Variants in ZDHHC11B observed in about 807,000 individuals in gnomAD.
ZDHHC11B encodes the protein zDHHC palmitoyltransferase 11B (putative).
In ZDHHC11B, 17 loss-of-function variants were observed where a neutral mutation model predicts 42.3. The observed-to-expected ratio is 0.40, with a 90% CI of 0.27 to 0.60. The LOEUF is 0.60. Ranked by LOEUF, ZDHHC11B falls within the 20% of genes least tolerant of loss-of-function variation. The pLI, the probability that ZDHHC11B is intolerant of heterozygous loss-of-function variation, is 0.41. For synonymous variants in ZDHHC11B, 123 were observed against 193.5 expected (o/e 0.64, Z 3.02); for missense variants, 262 against 463.2 (o/e 0.57, Z 3.99).
chr5:765,372 T>C (rs1289758277), intron 4 of ZDHHC11B, among the ~76,000 whole-genome samples: 1 of 151,920 alleles, frequency 6.6e-6, no homozygotes, highest in Non-Finnish European at 1.5e-5. Context: ...ACTCTGTGTC[T>C]AGCTCAAGGT....
At position 729,527 on chromosome 5, in the gene ZDHHC11B, TGA is replaced by T. The variant is rs879597295; in HGVS notation, c.1058+905_1058+906del. On this transcript the variant is annotated intron_variant, in intron 12 of 13. Coordinates refer to ENST00000508859, the MANE Select transcript of ZDHHC11B (RefSeq NM_001351303.2). ...AGGCAGGAAGGAGGCTGTGTCAGTG[TGA>T]GAGAGTGTGACTGTGTGCGAGTGTG... Among the ~76,000 whole-genome samples, 102 of 132,066 alleles carry T rather than the reference TGA, an allele frequency of 7.7e-4. 2 individuals are homozygous for T. The highest frequency in any genetic ancestry group is 3.8e-3 in the Admixed American group (52 of 13,544). The allele number at this position is 132,066 out of a possible 152,430, so 86.6% of individuals were successfully genotyped here.
At chr5:774,900 G>T (rs1164961323) in intron 1 of ZDHHC11B, among the ~76,000 whole-genome samples, 2 of 151,992 alleles carry the variant, frequency 1.3e-5, no homozygotes, top group Admixed American at 6.6e-5. Context: ...CCACGCGGGG[G>T]TGGCGCCGAC....
At chr5:754,239 C>T in intron 6 of ZDHHC11B, among the ~76,000 whole-genome samples, 1 of 117,312 alleles carries the variant, frequency 8.5e-6, no homozygotes, top group African/African-American at 3.1e-5. Flanking sequence ...TATGAGCCTC[C>T]ACCGTGCTCA....
At chr5:783,834 AAACCCCATCAAAACAGCAGCCCC>A (rs1737052248) in intron 1 of ZDHHC11B, among the ~76,000 whole-genome samples, 1 of 91,250 alleles carries the variant, frequency 1.1e-5, no homozygotes, top group East Asian at 4.2e-4. Context: ...GCAGCCTCCC[AAACCCCATCAAAACAGCAGCCCC>A]CCAAGCCCCA....
rs112930672 is a variant in ZDHHC11B at position 733,316 on chromosome 5, G to A, written c.1023+436C>T. 9.2e-3 allele frequency among the ~76,000 whole-genome samples: 1,394 copies of A among 151,712 alleles called. 61 individuals are homozygous for A. The highest frequency in any genetic ancestry group is 0.031 in the African/African-American group (1,291 of 41,144). On this transcript the variant is annotated intron_variant, in intron 11 of 13. Coordinates refer to ENST00000508859, the MANE Select transcript of ZDHHC11B (RefSeq NM_001351303.2). ...TTGTACGTGTGACCACACACACATC[G>A]TCTATTCCCATCTGTCTCCCACACA...
chr5:724,411 T>C (rs1348920606), intron 12 of ZDHHC11B, among the ~76,000 whole-genome samples: 1 of 139,418 alleles, frequency 7.2e-6, no homozygotes, highest in African/African-American at 2.7e-5. Context: ...AGTCTTGCTC[T>C]GTCGCCCAGG....
chr5:730,371 G>T, intron 12 of ZDHHC11B, 63 bp downstream of exon 12: 1 of 1,512,642 alleles, frequency 6.6e-7, no homozygotes, highest in South Asian at 1.3e-5. Context: ...ATTTTCCTAG[G>T]TAATTTGAGT....
chr5:767,156 C>G (rs1345816667), intron 3 of ZDHHC11B, among the ~76,000 whole-genome samples: 1 of 151,984 alleles, frequency 6.6e-6, no homozygotes, highest in African/African-American at 2.4e-5. Context: ...TGACCCTGGC[C>G]AGAGCCGAGT....
In ZDHHC11B at chr5:725,160, C is replaced by A. The variant is rs1344342202; in HGVS notation, c.1058+5274G>T. ...TTCAGAACACGCATGTGAGTGAGATCTCACTCTCAACTCCCTGCCTTGTGA... is the reference window on the plus strand; with the variant it reads ...TTCAGAACACGCATGTGAGTGAGATATCACTCTCAACTCCCTGCCTTGTGA... On this transcript the variant is annotated intron_variant, in intron 12 of 13. Transcript: ENST00000508859. 1.3e-5 allele frequency among the ~76,000 whole-genome samples: 2 copies of A among 150,746 alleles called. 1 individual carries two copies. The highest frequency in any genetic ancestry group is 3.9e-4 in the East Asian group (2 of 5,134).
At chr5:757,952 C>T (rs1370596772) in intron 4 of ZDHHC11B, among the ~76,000 whole-genome samples, 7 of 151,772 alleles carry the variant, frequency 4.6e-5, no homozygotes, top group Non-Finnish European at 1.0e-4. Context: ...GAGAGGTCTG[C>T]AGGGGCCCCA....
intron 1 of ZDHHC11B, among the ~76,000 whole-genome samples, chr5:770,553 C>G (rs1373562683): frequency 1.3e-5 from 2 of 151,050 alleles, no homozygotes; most frequent in Non-Finnish European, 3.0e-5. Context: ...TGGAGGACAC[C>G]TCGGGATCAC....
intron 1 of ZDHHC11B, among the ~76,000 whole-genome samples, chr5:774,084 A>T (rs1413641109): frequency 6.6e-6 from 1 of 151,824 alleles, no homozygotes; most frequent in African/African-American, 2.4e-5. Flanking sequence ...GGACTCGGCC[A>T]CCTAGGCGGG....
Position 733,808 on chromosome 5 carries a change from T to C in ZDHHC11B, c.967A>G (p.Lys323Glu), listed in dbSNP as rs755782090. The C allele has an allele frequency of 2.5e-4, 399 of 1,609,244 alleles. 6 individuals carry two copies. Among genetic ancestry groups the C allele is most frequent in the Non-Finnish European group, 3.2e-4 (381 of 1,179,174 alleles). The change falls in exon 11 of 14, where the codon AAA (lysine) becomes GAA (glutamate). Residue 323 changes from lysine (K) to glutamate (E), a missense_variant. Transcript: ENST00000508859. ...VKAKSSLLIY[K>E]CPCHFCTSVN... ...GAAGTGCAGAAGTGACATGGGCATT[T>C]GTAAATCAGCAGGGAGCTCTTGGCC...
At position 774,019 on chromosome 5, in the gene ZDHHC11B, C is replaced by T. The variant is rs185405019; in HGVS notation, c.-229-5089G>A. ...AGGCAGACCCCAGAGGGTGGCTGTC[C>T]GAAGCATCCTCGCTGGCCAGGGAAT... is the stretch of plus-strand genomic sequence containing the variant. On this transcript the variant is annotated intron_variant, in intron 1 of 13. Coordinates refer to ENST00000508859, the MANE Select transcript of ZDHHC11B (RefSeq NM_001351303.2). 2.1e-3 allele frequency among the ~76,000 whole-genome samples: 315 copies of T among 151,748 alleles called. 2 individuals are homozygous for T. Among genetic ancestry groups the T allele is most frequent in the African/African-American group, 7.2e-3 (299 of 41,244 alleles).
chr5:764,804 G>A (rs1735064764), intron 4 of ZDHHC11B, among the ~76,000 whole-genome samples: 1 of 151,936 alleles, frequency 6.6e-6, no homozygotes, highest in South Asian at 2.1e-4. Context: ...GCCACTAGGT[G>A]AAGCCAGCTG....
intron 1 of ZDHHC11B, among the ~76,000 whole-genome samples, chr5:783,543 C>A (rs1344770434): frequency 2.0e-4 from 30 of 152,350 alleles, no homozygotes; most frequent in African/African-American, 7.0e-4. Context: ...AGGGGCCCTG[C>A]ACGCAGAAGA....
chr5:757,291 C>T (rs1473810477), intron 4 of ZDHHC11B, among the ~76,000 whole-genome samples: 3,817 of 150,066 alleles, frequency 0.025, 19 homozygotes, highest in African/African-American at 0.087. Flanking sequence ...TGTCGCACAG[C>T]GCTGTCCTCC....
At chr5:764,741 G>A (rs1735053976) in intron 4 of ZDHHC11B, among the ~76,000 whole-genome samples, 1 of 151,932 alleles carries the variant, frequency 6.6e-6, no homozygotes, top group Non-Finnish European at 1.5e-5. Flanking sequence ...GCTGAGGAGT[G>A]CGGGCACATG....
chr5:718,574 T>C (rs1182053004), intron 12 of ZDHHC11B, among the ~76,000 whole-genome samples: 2 of 151,208 alleles, frequency 1.3e-5, no homozygotes, highest in Non-Finnish European at 2.9e-5. Flanking sequence ...TGAGTGCCTG[T>C]AGTCCCAGTT....
Sources: allele counts gnomAD v4.1 joint callset (sites outside exome capture counted in the v4.1 genomes callset), GRCh38; gene constraint gnomAD v4.1.1; transcripts MANE v1.5; gene names NCBI Gene and HGNC (gene_info 2026-07-23, HGNC 2026-07-21).